Variants in IQSEC1 observed in about 807,000 individuals in gnomAD.
The protein encoded by IQSEC1 is IQ motif and Sec7 domain ArfGEF 1, also known as IQ motif and SEC7 domain-containing protein 1.
IQSEC1 carries 31 observed loss-of-function variants against 91.0 expected under a neutral mutation model. The ratio of observed to expected loss-of-function variants is 0.34; its 90% CI spans 0.26 to 0.46. The LOEUF is 0.46. Ranked by LOEUF, IQSEC1 falls within the 20% of genes least tolerant of loss-of-function variation. The pLI, the probability that IQSEC1 is intolerant of heterozygous loss-of-function variation, is 1.00. For missense variants in IQSEC1, 1,388 were observed against 1,575.6 expected (o/e 0.88, Z 2.02); for synonymous variants, 699 against 662.6 (o/e 1.05, Z -0.84).
intron 1 of IQSEC1, among the ~76,000 whole-genome samples, chr3:13,003,774 A>G (rs1702524123): frequency 6.6e-6 from 1 of 152,232 alleles, no homozygotes; most frequent in African/African-American, 2.4e-5. Flanking sequence ...TCCTAGTATC[A>G]TGTCCATGTT....
intron 1 of IQSEC1, among the ~76,000 whole-genome samples, chr3:13,179,373 T>C (rs1289214262): frequency 6.6e-6 from 1 of 152,118 alleles, no homozygotes; most frequent in Non-Finnish European, 1.5e-5. Context: ...AAACAAAAGA[T>C]GAGAATTACA....
intron 1 of IQSEC1, among the ~76,000 whole-genome samples, chr3:12,974,575 G>T (rs146788235): frequency 6.6e-6 from 1 of 152,184 alleles, no homozygotes; most frequent in African/African-American, 2.4e-5. Flanking sequence ...AAGTGGAAGG[G>T]AAATGGCCAT....
rs935702498 is a variant in IQSEC1 at position 12,970,355 on chromosome 3, G to A, written c.24-28490C>T. 5.9e-5 allele frequency among the ~76,000 whole-genome samples: 9 copies of A among 152,304 alleles called. No homozygotes were observed. Among genetic ancestry groups the A allele is most frequent in the Middle Eastern group, 3.4e-3 (1 of 294 alleles). ...GGGTCACAGGATGTAAAAAGTCATGGAGACGTTTAGTTCCACTGTATCACC... is the reference window on the plus strand; with the variant it reads ...GGGTCACAGGATGTAAAAAGTCATGAAGACGTTTAGTTCCACTGTATCACC... On this transcript the variant is annotated intron_variant, in intron 1 of 13. Coordinates refer to ENST00000613206, the MANE Select transcript of IQSEC1 (RefSeq NM_001134382.3). The surrounding 1 kb of genome is among the most constrained non-coding windows in gnomAD (Gnocchi z 4.4).
chr3:13,108,386 A>G (rs1706188087), intron 2 of IQSEC1, among the ~76,000 whole-genome samples: 1 of 152,190 alleles, frequency 6.6e-6, no homozygotes, highest in African/African-American at 2.4e-5. Context: ...ACATTTCAAG[A>G]AGCAGAATTA....
At chr3:12,989,893 G>T (rs1701909234) in intron 1 of IQSEC1, among the ~76,000 whole-genome samples, 1 of 152,156 alleles carries the variant, frequency 6.6e-6, no homozygotes, top group African/African-American at 2.4e-5. Flanking sequence ...AAAGAGTCCG[G>T]CTCTCTGACC....
chr3:12,965,959 C>A (rs1311777339), intron 1 of IQSEC1, among the ~76,000 whole-genome samples: 1 of 152,166 alleles, frequency 6.6e-6, no homozygotes, highest in Admixed American at 6.5e-5. Flanking sequence ...AGCAGGCACT[C>A]AATAAACCAC....
At chr3:13,173,638 A>T (rs1268498940) in intron 1 of IQSEC1, among the ~76,000 whole-genome samples, 1 of 152,212 alleles carries the variant, frequency 6.6e-6, no homozygotes, top group African/African-American at 2.4e-5. Context: ...AGGCCCCTGC[A>T]TGAGGACCCC....
chr3:12,978,174 A>G (rs1463444860), intron 1 of IQSEC1, among the ~76,000 whole-genome samples: 1 of 152,242 alleles, frequency 6.6e-6, no homozygotes, highest in African/African-American at 2.4e-5. Flanking sequence ...TTTATCACAG[A>G]GGCCTTGAAG....
chr3:13,255,672 A>C (rs1695273228), intron 1 of IQSEC1, among the ~76,000 whole-genome samples: 1 of 152,160 alleles, frequency 6.6e-6, no homozygotes, highest in African/African-American at 2.4e-5. Context: ...GCTGAAGAGC[A>C]GCGGAGGGAT....
intron 1 of IQSEC1, among the ~76,000 whole-genome samples, chr3:13,036,608 C>G (rs1035667173): frequency 1.8e-4 from 28 of 152,176 alleles, no homozygotes; most frequent in Admixed American, 4.6e-4. Context: ...CCCTGGCCAA[C>G]AGATGAGGCC....
chr3:13,108,345 C>G (rs1453814692), intron 2 of IQSEC1, among the ~76,000 whole-genome samples: 1 of 152,062 alleles, frequency 6.6e-6, no homozygotes, highest in East Asian at 1.9e-4. Flanking sequence ...GAGGCATTTT[C>G]TTATTTTTAT....
In IQSEC1 at chr3:13,092,835, C is replaced by T. The variant is rs73014616; in HGVS notation, c.303-45313G>A. 1.3e-4 allele frequency among the ~76,000 whole-genome samples: 20 copies of T among 152,308 alleles called. No homozygotes were observed. The East Asian group carries it at 3.9e-3, about 29-fold the overall frequency. On this transcript the variant is annotated intron_variant, in intron 2 of 15. Coordinates refer to the IQSEC1 transcript ENST00000648114. The stretch of plus-strand genomic sequence containing the variant: ...CAGCCCCTCCTCACTCTGCTCCAGG[C>T]ACGCTGGCCAACTTTCCATCTCCAA...
chr3:12,993,682 G>A (rs1052745525), intron 1 of IQSEC1, among the ~76,000 whole-genome samples: 1 of 151,944 alleles, frequency 6.6e-6, no homozygotes, highest in Non-Finnish European at 1.5e-5. Flanking sequence ...CTGCATAGCC[G>A]CGGAGGTTGG....
At chr3:12,961,371 A>G (rs1012074886) in intron 1 of IQSEC1, among the ~76,000 whole-genome samples, 6 of 152,228 alleles carry the variant, frequency 3.9e-5, no homozygotes, top group African/African-American at 4.8e-5. Flanking sequence ...TCCCAGCCCA[A>G]CTGCAAGCTG....
intron 1 of IQSEC1, among the ~76,000 whole-genome samples, chr3:13,175,745 G>A (rs910773099): frequency 6.6e-5 from 10 of 152,248 alleles, no homozygotes; most frequent in Non-Finnish European, 1.0e-4. Flanking sequence ...GGGATCTGGC[G>A]AGGGCCACTT....
chr3:13,115,845 C>T (rs1320809990), intron 2 of IQSEC1, among the ~76,000 whole-genome samples: 1 of 152,204 alleles, frequency 6.6e-6, no homozygotes, highest in Non-Finnish European at 1.5e-5. Context: ...CTCCTTTGGC[C>T]CTGAGCCCCC....
chr3:12,951,445 C>CAA (rs34564171), intron 1 of IQSEC1, among the ~76,000 whole-genome samples: 189 of 143,724 alleles, frequency 1.3e-3, no homozygotes, highest in Admixed American at 2.0e-3. Context: ...ACCTCTATCT[C>CAA]AAAAAAAAAA....
chr3:13,228,479 C>T (rs1170290164), intron 1 of IQSEC1, among the ~76,000 whole-genome samples: 3 of 152,154 alleles, frequency 2.0e-5, no homozygotes, highest in African/African-American at 4.8e-5. Flanking sequence ...GCACCAAATG[C>T]GTGGTGAATG....
intron 1 of IQSEC1, among the ~76,000 whole-genome samples, chr3:13,033,912 G>A (rs1294232442): frequency 2.6e-5 from 4 of 152,102 alleles, no homozygotes; most frequent in Admixed American, 6.5e-5. Context: ...CCAGACATCC[G>A]GTCACCTTAT....
Sources: allele counts gnomAD v4.1 joint callset (sites outside exome capture counted in the v4.1 genomes callset), GRCh38; gene constraint gnomAD v4.1.1; non-coding constraint Gnocchi (gnomAD v3.1); transcripts MANE v1.5; gene names NCBI Gene and HGNC (gene_info 2026-07-23, HGNC 2026-07-21).